ARHGAP22: variants seen among roughly 807,000 people sequenced by gnomAD.
ARHGAP22 encodes the protein Rho GTPase activating protein 22, also known as rho GTPase-activating protein 22.
A neutral mutation model predicts 59.1 loss-of-function variants in ARHGAP22; 48 were observed. The observed-to-expected ratio is 0.81, with a 90% confidence interval of 0.64 to 1.03. The LOEUF is 1.03. ARHGAP22 is among the 50% of genes least tolerant of loss of function. ARHGAP22 has a pLI of 0.00. For synonymous variants in ARHGAP22, 445 were observed against 416.4 expected (o/e 1.07, Z -0.84); for missense variants, 1,015 against 958.7 (o/e 1.06, Z -0.78).
Position 48,459,853 on chromosome 10 carries a change from C to A in ARHGAP22, c.490G>T (p.Glu164Ter), listed in dbSNP as rs754992911. Residue 164 changes from glutamate (E) to a stop codon, truncating the protein, a stop_gained, in exon 5 of 10, where the codon GAG (glutamate) becomes TAG (stop). Coordinates refer to ENST00000249601, the MANE Select transcript of ARHGAP22 (RefSeq NM_021226.4). LOFTEE classifies it high-confidence loss of function. ...GQRLEETVHHERKYGPRLAPL... is the reference protein window; with the variant it reads ...GQRLEETVHH ...GCCAGGCGGGGGCCATACTTCCGCTCGTGGTGGACTGTTTCCTCTAGGCGC... is the reference window on the plus strand; with the variant it reads ...GCCAGGCGGGGGCCATACTTCCGCTAGTGGTGGACTGTTTCCTCTAGGCGC... 9.9e-6 allele frequency: 16 copies of A among 1,613,156 alleles called. No homozygotes were observed. In the South Asian group the frequency reaches 1.8e-4, roughly 18 times the overall value.
chr10:48,472,418 G>C (rs2048319419), intron 4 of ARHGAP22, among the ~76,000 whole-genome samples: 2 of 152,116 alleles, frequency 1.3e-5, no homozygotes, highest in Admixed American at 1.3e-4. Flanking sequence ...CAGCTACTCA[G>C]GAGGCTGAGG....
chr10:48,631,550 G>C (rs1589247326), intron 1 of ARHGAP22, among the ~76,000 whole-genome samples: 1 of 152,074 alleles, frequency 6.6e-6, no homozygotes, highest in Non-Finnish European at 1.5e-5. Context: ...ATATTTTCTT[G>C]TTGCAGTAGA....
At chr10:48,495,401 A>G (rs572681151) in intron 3 of ARHGAP22, among the ~76,000 whole-genome samples, 1 of 152,380 alleles carries the variant, frequency 6.6e-6, no homozygotes, top group Non-Finnish European at 1.5e-5. Context: ...ATGAGAACAC[A>G]GAGGCTACAG....
At chr10:48,577,797 T>TACTGC (rs112029748) in intron 2 of ARHGAP22, among the ~76,000 whole-genome samples, 4 of 137,482 alleles carry the variant, frequency 2.9e-5, no homozygotes, top group South Asian at 4.8e-4. Flanking sequence ...ACTGCTCTTT[T>TACTGC]TTGGTTTTTT....
intron 3 of ARHGAP22, among the ~76,000 whole-genome samples, chr10:48,523,889 C>A (rs1202131259): frequency 1.3e-5 from 2 of 152,046 alleles, no homozygotes; most frequent in Non-Finnish European, 2.9e-5. Context: ...GCCTCCCCTT[C>A]CAAAGTTAGG....
chr10:48,536,733 C>T (rs912574473), intron 3 of ARHGAP22, among the ~76,000 whole-genome samples: 18 of 152,232 alleles, frequency 1.2e-4, no homozygotes, highest in Non-Finnish European at 4.4e-5. Flanking sequence ...CCAGAAGGCA[C>T]TGCATGTAGG....
At chr10:48,614,590 G>A (rs3853124) in intron 1 of ARHGAP22, among the ~76,000 whole-genome samples, 56,896 of 152,046 alleles carry the variant, frequency 0.37, 11,568 homozygotes, top group African/African-American at 0.55. Context: ...AGCAGCAGCA[G>A]CAACAACAAC....
chr10:48,562,803 A>G (rs558362501), intron 2 of ARHGAP22, among the ~76,000 whole-genome samples: 19 of 152,262 alleles, frequency 1.2e-4, no homozygotes, highest in Admixed American at 1.2e-3. Context: ...TTATACCTCA[A>G]TAAAGCTGTT....
chr10:48,654,189 G>A (rs1014610160), upstream of ARHGAP22, among the ~76,000 whole-genome samples: 2 of 152,206 alleles, frequency 1.3e-5, no homozygotes, highest in African/African-American at 4.8e-5. Context: ...TGTTAACCAA[G>A]TCTGGGTTTT....
At chr10:48,452,293 C>T (rs1175659594) in intron 8 of ARHGAP22, among the ~76,000 whole-genome samples, 1 of 152,142 alleles carries the variant, frequency 6.6e-6, no homozygotes, top group Non-Finnish European at 1.5e-5. Flanking sequence ...GGGCTGAGTG[C>T]CAGGGTGGAC....
At chr10:48,615,955 A>G (rs909831182) in intron 1 of ARHGAP22, among the ~76,000 whole-genome samples, 78 of 107,338 alleles carry the variant, frequency 7.3e-4, no homozygotes, top group African/African-American at 3.6e-3. Flanking sequence ...TGAGGAACAG[A>G]AAAAAAAAAA....
chr10:48,564,777 C>T (rs2057943299), intron 2 of ARHGAP22, among the ~76,000 whole-genome samples: 1 of 152,226 alleles, frequency 6.6e-6, no homozygotes, highest in Non-Finnish European at 1.5e-5. Context: ...GGGTGACAGT[C>T]CCCTCAAGCT....
chr10:48,468,961 C>G (rs911394763), intron 4 of ARHGAP22, among the ~76,000 whole-genome samples: 1 of 152,138 alleles, frequency 6.6e-6, no homozygotes, highest in Admixed American at 6.5e-5. Context: ...GGCATTCCCA[C>G]GGCCCAGGGA....
chr10:48,482,791 C>T (rs1020627742), intron 3 of ARHGAP22, among the ~76,000 whole-genome samples: 1 of 152,160 alleles, frequency 6.6e-6, no homozygotes, highest in Non-Finnish European at 1.5e-5. Flanking sequence ...GTGTTGGGAA[C>T]ATTTCAAGTC....
At chr10:48,649,606 G>A (rs1340326316) in intron 1 of ARHGAP22, among the ~76,000 whole-genome samples, 1 of 152,198 alleles carries the variant, frequency 6.6e-6, no homozygotes, top group Non-Finnish European at 1.5e-5. Flanking sequence ...CAGCAGTCTT[G>A]GGAGACAACC....
At chr10:48,551,879 G>A (rs926607261) in intron 3 of ARHGAP22, among the ~76,000 whole-genome samples, 1 of 152,222 alleles carries the variant, frequency 6.6e-6, no homozygotes, top group Non-Finnish European at 1.5e-5. Flanking sequence ...CATATGGCCA[G>A]ATGTCTGTGT....
At chr10:48,471,324 T>C (rs1485298522) in intron 4 of ARHGAP22, among the ~76,000 whole-genome samples, 1 of 152,226 alleles carries the variant, frequency 6.6e-6, no homozygotes, top group Non-Finnish European at 1.5e-5. Flanking sequence ...TTTTCCCAGC[T>C]GGGCTCCTAG....
intron 4 of ARHGAP22, among the ~76,000 whole-genome samples, chr10:48,469,619 G>A (rs1319446106): frequency 6.6e-6 from 1 of 152,280 alleles, no homozygotes; most frequent in African/African-American, 2.4e-5. Flanking sequence ...AGCATCCAGC[G>A]ATGAGCTTAC....
intron 4 of ARHGAP22, among the ~76,000 whole-genome samples, chr10:48,469,325 T>C (rs2048012896): frequency 6.6e-6 from 1 of 152,160 alleles, no homozygotes; most frequent in Non-Finnish European, 1.5e-5. Context: ...GTGGGGCCTG[T>C]TGGGGATGGG....
Sources: allele counts gnomAD v4.1 joint callset (sites outside exome capture counted in the v4.1 genomes callset), GRCh38; gene constraint gnomAD v4.1.1; transcripts MANE v1.5; gene names NCBI Gene and HGNC (gene_info 2026-07-23, HGNC 2026-07-21).